KCNQ1: variants seen among roughly 807,000 people sequenced by gnomAD.
KCNQ1 encodes potassium voltage-gated channel subfamily KQT member 1.
Under a neutral mutation model 72.4 loss-of-function variants are expected in KCNQ1, and 49 were observed. The ratio of observed to expected loss-of-function variants is 0.68; its 90% CI spans 0.54 to 0.86. The LOEUF is 0.86. KCNQ1 is among the 40% of genes least tolerant of loss of function. KCNQ1 has a pLI of 0.00. For synonymous variants in KCNQ1, 450 were observed against 412.6 expected (o/e 1.09, Z -1.10); for missense variants, 790 against 945.1 (o/e 0.84, Z 2.15).
rs923044537 is a variant in KCNQ1, at chr11:2,749,669, C to T, written c.1515-19175C>T. On this transcript the variant is annotated intron_variant, in intron 11 of 15. Transcript: ENST00000155840. ...AAAAAAAAAAAAAAAAAAAATTGTC[C>T]GGGCGCGGTGGCGGGCGCCTGTGGT... is the stretch of plus-strand genomic sequence containing the variant. 2.2e-4 allele frequency among the ~76,000 whole-genome samples: 31 copies of T among 140,644 alleles called. No individual in the cohort carries two copies. In the East Asian group the frequency reaches 3.8e-3, roughly 17 times the overall value. 92.3% of individuals were successfully genotyped at this position (140,644 alleles called of 152,430 possible).
chr11:2,815,250 T>C lies in KCNQ1; in HGVS notation c.1795-32517T>C, dbSNP rs1847590654. 6.6e-6 allele frequency among the ~76,000 whole-genome samples: 1 copy of C among 152,128 alleles called. No homozygotes were observed. The highest frequency in any genetic ancestry group is 6.5e-5 in the Admixed American group (1 of 15,280). On this transcript the variant is annotated intron_variant, in intron 15 of 15. Coordinates refer to ENST00000155840, the MANE Select transcript of KCNQ1 (RefSeq NM_000218.3). The surrounding 1 kb of genome is among the most constrained non-coding windows in gnomAD (Gnocchi z 5.4). ...TTATTCTCTAGGGGCCTTGGGGGTG[T>C]CTAGGCTGCCACCACAGCATCCACA...
Position 2,688,208 on chromosome 11 carries a change from AG to A in KCNQ1, c.1514+26128del, listed in dbSNP as rs919984341. ...CAAGGGGGCAGGAGGGGCTGCACTG[AG>A]CCCACCAAAGGTTGTAGCCACTCAT... On this transcript the variant is annotated intron_variant, in intron 11 of 15. Coordinates refer to ENST00000155840, the MANE Select transcript of KCNQ1 (RefSeq NM_000218.3). 5.5e-5 allele frequency: 22 copies of A among 398,784 alleles called. 1 individual carries two copies. Among genetic ancestry groups the A allele is most frequent in the Admixed American group, 3.1e-4 (7 of 22,734 alleles). 24.7% of individuals were successfully genotyped at this position (398,784 alleles called of 1,614,324 possible). A position where few individuals can be genotyped will look rare whatever the true frequency, so the allele number is the denominator to read the frequency against.
intron 1 of KCNQ1, among the ~76,000 whole-genome samples, chr11:2,489,760 A>T (rs1846804390): frequency 6.6e-6 from 1 of 152,060 alleles, no homozygotes; most frequent in African/African-American, 2.4e-5. Flanking sequence ...ACATTTCCAG[A>T]CACACCCTGG....
rs1300811788 is a variant in KCNQ1, at chr11:2,617,135, A to G, written c.1393+28281A>G. 2 of 398,206 alleles carry G rather than the reference A, an allele frequency of 5.0e-6. No homozygotes were observed. The highest frequency in any genetic ancestry group is 8.9e-6 in the Non-Finnish European group (2 of 225,908). The allele number at this position is 398,206 out of a possible 1,614,324, so 24.7% of individuals were successfully genotyped here. ...TTGGCAAAAATTCCAAATGCAATAT[A>G]CTAACTATTCTCATGTTCTACATGA... On this transcript the variant is annotated intron_variant, in intron 10 of 15. Coordinates refer to ENST00000155840, the MANE Select transcript of KCNQ1 (RefSeq NM_000218.3). The surrounding 1 kb of genome is among the most constrained non-coding windows in gnomAD (Gnocchi z 4.6).
rs936168803 is a variant in KCNQ1 at position 2,477,426 on chromosome 11, A to T, written c.386+31942A>T. On this transcript the variant is annotated intron_variant, in intron 1 of 15. Transcript: ENST00000155840. This position sits in a 1 kb window ranked among gnomAD's most constrained non-coding sequence, Gnocchi z 5.0. ...AATTAGGATGCCGTCTGCTACTGAG[A>T]GAGCCAGTCATGTTAGTGGCTCAAT... Among the ~76,000 whole-genome samples the T allele has an allele frequency of 3.3e-5, 5 of 152,220 alleles. No homozygotes were observed. The highest frequency in any genetic ancestry group is 7.3e-5 in the Non-Finnish European group (5 of 68,034).
intron 15 of KCNQ1, among the ~76,000 whole-genome samples, chr11:2,795,731 A>G (rs562260621): frequency 3.4e-4 from 52 of 152,340 alleles, no homozygotes; most frequent in Non-Finnish European, 5.6e-4. Flanking sequence ...ATTTTGCAAG[A>G]AACAATATTT....
At chr11:2,779,991 C>T (rs143666932) in intron 15 of KCNQ1, among the ~76,000 whole-genome samples, 109 of 152,360 alleles carry the variant, frequency 7.2e-4, no homozygotes, top group African/African-American at 2.1e-3. Context: ...GGCTCTGAGC[C>T]GGGGCCACGA....
In KCNQ1 at chr11:2,559,253, G is replaced by T. The variant is rs1217555677; in HGVS notation, c.478-11375G>T. Among the ~76,000 whole-genome samples, 1 of 152,096 alleles carries T rather than the reference G, an allele frequency of 6.6e-6. No individual in the cohort carries two copies. ...GGAGAGGATGCATTCGACACCCAAG[G>T]CCTTATGGAATCAGTCCTGGGGCCT... On this transcript the variant is annotated intron_variant, in intron 2 of 15. Transcript: ENST00000155840. The surrounding 1 kb of genome is among the most constrained non-coding windows in gnomAD (Gnocchi z 4.9).
chr11:2,551,022 C>G (rs1480292787), intron 2 of KCNQ1, among the ~76,000 whole-genome samples: 1 of 152,112 alleles, frequency 6.6e-6, no homozygotes, highest in African/African-American at 2.4e-5. Flanking sequence ...GCTGCCTCTC[C>G]CTCTAAATAG....
intron 10 of KCNQ1, chr11:2,646,095 CCT>C (rs1205155991): frequency 2.5e-6 from 1 of 398,456 alleles, no homozygotes; most frequent in African/African-American, 2.1e-5. Flanking sequence ...GCCTGACTCC[CCT>C]CTTATCCCTT....
At position 2,645,444 on chromosome 11, in the gene KCNQ1, G is replaced by A. The variant is rs1270436743; in HGVS notation, c.1394-16517G>A. ...GTAATGCAAGAATGTACTGACTGTG[G>A]TAGGCAGGCACAGGAAGATCCCTGT... On this transcript the variant is annotated intron_variant, in intron 10 of 15. Coordinates refer to ENST00000155840, the MANE Select transcript of KCNQ1 (RefSeq NM_000218.3). The surrounding 1 kb of genome is among the most constrained non-coding windows in gnomAD (Gnocchi z 5.8). 1 of 398,564 alleles carries A rather than the reference G, an allele frequency of 2.5e-6. No homozygotes were observed. The highest frequency in any genetic ancestry group is 4.4e-6 in the Non-Finnish European group (1 of 226,138). 24.7% of individuals were successfully genotyped at this position (398,564 alleles called of 1,614,324 possible). A position where few individuals can be genotyped will look rare whatever the true frequency, so the allele number is the denominator to read the frequency against.
intron 10 of KCNQ1, chr11:2,633,312 C>G (rs1468918451): frequency 2.5e-6 from 1 of 398,330 alleles, no homozygotes; most frequent in Non-Finnish European, 4.4e-6. Flanking sequence ...AATATTTTCT[C>G]CCATTCTACA....
At position 2,484,551 on chromosome 11, in the gene KCNQ1, C is replaced by T. The variant is rs1846705248; in HGVS notation, c.386+39067C>T. On this transcript the variant is annotated intron_variant, in intron 1 of 15. Coordinates refer to ENST00000155840, the MANE Select transcript of KCNQ1 (RefSeq NM_000218.3). This position sits in a 1 kb window ranked among gnomAD's most constrained non-coding sequence, Gnocchi z 5.2. Reference sequence around the variant, plus strand: ...CAGCTTCCATGCCCCTTTGGTGGGCCCTGTCTTTTCTTGGACACTGCCTTC... The same window carrying T: ...CAGCTTCCATGCCCCTTTGGTGGGCTCTGTCTTTTCTTGGACACTGCCTTC... Among the ~76,000 whole-genome samples the T allele has an allele frequency of 6.6e-6, 1 of 152,200 alleles. No individual in the cohort carries two copies. Among genetic ancestry groups the T allele is most frequent in the Admixed American group, 6.5e-5 (1 of 15,282 alleles).
chr11:2,683,369 A>G lies in KCNQ1; in HGVS notation c.1514+21288A>G. 1 of 398,614 alleles carries G rather than the reference A, an allele frequency of 2.5e-6. No homozygotes were observed. The allele number at this position is 398,614 out of a possible 1,614,324, so 24.7% of individuals were successfully genotyped here. The stretch of plus-strand genomic sequence containing the variant: ...ACTGTGCCTGCCACTGCTGTCTGCA[A>G]ATGCAGGTTCCTGGGGCTCTGGGTG... On this transcript the variant is annotated intron_variant, in intron 11 of 15. Coordinates refer to ENST00000155840, the MANE Select transcript of KCNQ1 (RefSeq NM_000218.3). The surrounding 1 kb of genome is among the most constrained non-coding windows in gnomAD (Gnocchi z 4.7).
At chr11:2,667,719 G>A (rs77309526) in intron 11 of KCNQ1, 2 of 398,754 alleles carry the variant, frequency 5.0e-6, no homozygotes, top group East Asian at 7.1e-5. Context: ...TGGAAGCCGT[G>A]TCCCCTTAAG....
chr11:2,573,753 G>T (rs1174882074), intron 6 of KCNQ1, among the ~76,000 whole-genome samples: 1 of 152,262 alleles, frequency 6.6e-6, no homozygotes, highest in Non-Finnish European at 1.5e-5. Context: ...GAGAGGCTGT[G>T]CGGGAGGGGT....
intron 10 of KCNQ1, chr11:2,614,531 C>G: frequency 1.3e-5 from 5 of 398,342 alleles, no homozygotes. Context: ...TTTTTGGTCT[C>G]TGATACATTT....
At chr11:2,685,194 G>A (rs771782083) in intron 11 of KCNQ1, 22 of 398,492 alleles carry the variant, frequency 5.5e-5, no homozygotes, top group Non-Finnish European at 8.8e-5. Flanking sequence ...CCCCTTCGTG[G>A]GGATGGCTGG....
rs550048671 is a variant in KCNQ1 at position 2,506,807 on chromosome 11, T to C, written c.387-21121T>C. ...AGGTCCATAGCTTTGTTTTAATCTG[T>C]ATTTCTGTAATTACATTGAATTTGA... On this transcript the variant is annotated intron_variant, in intron 1 of 15. Transcript: ENST00000155840. Among the ~76,000 whole-genome samples, 8 of 152,354 alleles carry C rather than the reference T, an allele frequency of 5.3e-5. No individual in the cohort carries two copies. In the South Asian group the frequency reaches 1.7e-3, roughly 32 times the overall value.
Sources: gnomAD v4.1 joint callset for allele counts (sites outside exome capture counted in the v4.1 genomes callset) on GRCh38, gnomAD v4.1.1 for gene constraint, Gnocchi (gnomAD v3.1) non-coding constraint, MANE v1.5 for transcripts, NCBI Gene and HGNC (gene_info 2026-07-23, HGNC 2026-07-21) for gene names.